DNAJC2: variants seen among roughly 807,000 people sequenced by gnomAD.
The protein encoded by DNAJC2 is dnaJ homolog subfamily C member 2.
Under a neutral mutation model 94.0 loss-of-function variants are expected in DNAJC2, and 32 were observed. The observed-to-expected ratio is 0.34, with a 90% CI of 0.26 to 0.46. DNAJC2 has a LOEUF of 0.46. DNAJC2 is among the 20% of genes least tolerant of loss of function. The probability of loss-of-function intolerance (pLI) is 1.00; values close to 1 mark genes in which losing one functional copy is unlikely to be tolerated. For missense variants in DNAJC2, 550 were observed against 719.5 expected (o/e 0.76, Z 2.69); for synonymous variants, 210 against 229.7 (o/e 0.91, Z 0.77).
chr7:103,322,897 G>A, intron 7 of DNAJC2, 103 bp from the exon 8 acceptor site: 1 of 903,776 alleles, frequency 1.1e-6, no homozygotes, highest in Non-Finnish European at 1.7e-6. Flanking sequence ...CATCCTAGAG[G>A]TTAAAATGCT....
intron 1 of DNAJC2, 128 bp downstream of exon 1, chr7:103,344,431 C>T (rs553344086): frequency 8.7e-4 from 895 of 1,030,608 alleles, no homozygotes; most frequent in Non-Finnish European, 1.2e-3. Flanking sequence ...AGGCACTCGT[C>T]ACGGCCCCAT....
chr7:103,321,970 T>G lies in DNAJC2; in HGVS notation c.1045A>C (p.Ile349Leu), dbSNP rs372358510. 1 of 1,613,846 alleles carries G rather than the reference T, an allele frequency of 6.2e-7. No homozygotes were observed. Among genetic ancestry groups the G allele is most frequent in the Non-Finnish European group, 8.5e-7 (1 of 1,179,794 alleles). Residue 349 changes from isoleucine to leucine, a missense_variant, in exon 10 of 17, where the codon ATT becomes CTT. Around this residue, in one of 2 missense-constraint regions of DNAJC2, gnomAD observed 279 missense variants for 416.9 expected, o/e 0.67. Transcript: ENST00000379263. Reference protein sequence around the residue: ...KKEKDIQKKAIKKERQKLRNS... With the variant: ...KKEKDIQKKALKKERQKLRNS... ...CGAAGTTTTTGCCTTTCCTTCTTAA[T>G]GGCTTTTTTCTGGATATCTTTTTCC...
intron 12 of DNAJC2, among the ~76,000 whole-genome samples, chr7:103,318,432 C>G (rs1017854372): frequency 6.6e-6 from 1 of 152,182 alleles, no homozygotes; most frequent in Non-Finnish European, 1.5e-5. Context: ...TTCTGACCTT[C>G]ATTTTAACTC....
chr7:103,329,044 T>C (rs1818855350), intron 3 of DNAJC2: 3 of 1,202,192 alleles, frequency 2.5e-6, no homozygotes, highest in Non-Finnish European at 3.2e-6. Flanking sequence ...TCAGCCACAG[T>C]ACGTCTAATT....
chr7:103,318,026 T>A (rs77396224), intron 12 of DNAJC2, among the ~76,000 whole-genome samples: 1,849 of 152,302 alleles, frequency 0.012, 38 homozygotes, highest in African/African-American at 0.042. Flanking sequence ...AACGTCAGAT[T>A]AGTAGTACAA....
chr7:103,337,456 T>A (rs1173553354), intron 3 of DNAJC2: 1 of 298,538 alleles, frequency 3.3e-6, no homozygotes, highest in East Asian at 6.5e-5. Context: ...TGAAGTATTA[T>A]TTTTTAAAAG....
chr7:103,328,549 T>G (rs1259685291), intron 3 of DNAJC2, among the ~76,000 whole-genome samples: 2 of 152,070 alleles, frequency 1.3e-5, no homozygotes, highest in Non-Finnish European at 1.5e-5. Flanking sequence ...AAGAATCGCT[T>G]GAACCCATGA....
chr7:103,322,042 C>T lies in DNAJC2; in HGVS notation c.973G>A (p.Glu325Lys), dbSNP rs755104279. Reference protein sequence around the residue: ...AELEAARLAKEKEEEEVRQQA... With the variant: ...AELEAARLAKKKEEEEVRQQA... ...TGTCTGACTTCCTCCTCTTCTTTCT[C>T]CTTAGCTAACCGAGCAGCTTCTAAT... The change falls in exon 10 of 17, where the codon GAG (glutamate) becomes AAG (lysine). Residue 325 changes from glutamate to lysine, a missense_variant. Around this residue, in one of 2 missense-constraint regions of DNAJC2, gnomAD observed 279 missense variants for 416.9 expected, o/e 0.67. Transcript: ENST00000379263. 6.2e-7 allele frequency: 1 copy of T among 1,613,572 alleles called. No homozygotes were observed. The highest frequency in any genetic ancestry group is 8.5e-7 in the Non-Finnish European group (1 of 1,179,758).
At chr7:103,326,810 G>T in intron 4 of DNAJC2, 126 bp from the exon 5 acceptor site, 1 of 915,898 alleles carries the variant, frequency 1.1e-6, no homozygotes, top group Non-Finnish European at 1.6e-6. Flanking sequence ...TTTGTTTGCA[G>T]GTTGGGGAGG....
At chr7:103,321,839 C>A (rs970208325) in intron 10 of DNAJC2, 93 bp downstream of exon 10, 22 of 1,421,114 alleles carry the variant, frequency 1.5e-5, no homozygotes, top group Non-Finnish European at 2.0e-5. Flanking sequence ...CAGAGCGAGA[C>A]CCCATCTAAA....
At chr7:103,330,640 CAG>C (rs1423726309) in intron 3 of DNAJC2, among the ~76,000 whole-genome samples, 6 of 151,848 alleles carry the variant, frequency 4.0e-5, no homozygotes, top group South Asian at 2.1e-4. Context: ...TTAGTAGAGA[CAG>C]GGTTTCACCA....
chr7:103,339,337 C>T (rs1819292961), intron 2 of DNAJC2, among the ~76,000 whole-genome samples: 1 of 152,188 alleles, frequency 6.6e-6, no homozygotes, highest in South Asian at 2.1e-4. Flanking sequence ...CTGATACAAT[C>T]TACTTCTTTC....
intron 12 of DNAJC2, among the ~76,000 whole-genome samples, chr7:103,317,985 A>G (rs1818164814): frequency 6.6e-6 from 1 of 152,226 alleles, no homozygotes; most frequent in South Asian, 2.1e-4. Context: ...TCTTGTAACT[A>G]GTTACATCTA....
intron 1 of DNAJC2, among the ~76,000 whole-genome samples, chr7:103,342,964 C>G (rs1819442963): frequency 2.0e-5 from 3 of 151,744 alleles, no homozygotes; most frequent in African/African-American, 7.3e-5. Flanking sequence ...GAAGAGCTAG[C>G]CTCACCAAAA....
intron 2 of DNAJC2, among the ~76,000 whole-genome samples, chr7:103,338,453 C>T (rs980213656): frequency 1.3e-5 from 2 of 151,522 alleles, no homozygotes; most frequent in Admixed American, 6.6e-5. Context: ...CACACCACCA[C>T]GCCTGGCTAA....
intron 5 of DNAJC2, among the ~76,000 whole-genome samples, chr7:103,325,140 A>G (rs1450046373): frequency 6.6e-6 from 1 of 152,154 alleles, no homozygotes; most frequent in Non-Finnish European, 1.5e-5. Flanking sequence ...TTACCACCTC[A>G]GCACTGCTAT....
chr7:103,344,718 C>T lies in DNAJC2; in HGVS notation c.-96G>A. Reference sequence around the variant, plus strand: ...CAGCTCTACCTCTCACTCCGAGCCTCGCGCCTTGGCTCTAAGACGCCCAGG... The same window carrying T: ...CAGCTCTACCTCTCACTCCGAGCCTTGCGCCTTGGCTCTAAGACGCCCAGG... On this transcript the variant is annotated 5_prime_UTR_variant, in exon 1 of 17. Transcript: ENST00000379263. 7.6e-7 allele frequency: 1 copy of T among 1,321,468 alleles called. No homozygotes were observed. The highest frequency in any genetic ancestry group is 1.8e-5 in the Admixed American group (1 of 56,286). The allele number at this position is 1,321,468 out of a possible 1,614,324, so 81.9% of individuals were successfully genotyped here. A position where few individuals can be genotyped will look rare whatever the true frequency, so the allele number is the denominator to read the frequency against.
chr7:103,315,698 T>C, intron 15 of DNAJC2, 66 bp downstream of exon 15: 2 of 1,057,186 alleles, frequency 1.9e-6, no homozygotes, highest in Non-Finnish European at 2.9e-6. Flanking sequence ...AGACCCTAAG[T>C]CTTGTACGTC....
At chr7:103,317,337 C>G (rs558940359) in intron 12 of DNAJC2, 2 of 253,930 alleles carry the variant, frequency 7.9e-6, no homozygotes, top group East Asian at 1.6e-4. Flanking sequence ...TTTCAAACCT[C>G]TCTTCAAACT....
Sources: allele counts gnomAD v4.1 joint callset (sites outside exome capture counted in the v4.1 genomes callset), GRCh38; gene constraint gnomAD v4.1.1; regional missense constraint gnomAD v4.1.1; transcripts MANE v1.5; gene names NCBI Gene and HGNC (gene_info 2026-07-23, HGNC 2026-07-21).